Variants in PLAT observed in about 807,000 individuals in gnomAD.
PLAT encodes the protein plasminogen activator, tissue type.
Under a neutral mutation model 74.9 loss-of-function variants are expected in PLAT, and 48 were observed. That is an observed-to-expected ratio of 0.64 (90% CI 0.51 to 0.82). PLAT has a LOEUF of 0.82. Ranked by LOEUF, PLAT falls within the 40% of genes least tolerant of loss-of-function variation. The pLI, the probability that PLAT is intolerant of heterozygous loss-of-function variation, is 0.00. For missense variants in PLAT, 673 were observed against 736.2 expected, an observed-to-expected ratio of 0.91 and a Z score of 0.99; for synonymous variants, 307 against 294.4, an observed-to-expected ratio of 1.04 and a Z score of -0.44.
chr8:42,199,824 A>G (rs1806058777), intron 1 of PLAT, among the ~76,000 whole-genome samples: 1 of 152,242 alleles, frequency 6.6e-6, no homozygotes, highest in African/African-American at 2.4e-5. Context: ...GTCTGCATCT[A>G]AACAAGCCCT....
rs575156438 is a variant in PLAT, at chr8:42,197,300, G to A, written c.-26-4089C>T. Among the ~76,000 whole-genome samples, 94 of 152,342 alleles carry A rather than the reference G, an allele frequency of 6.2e-4. No homozygotes were observed. In the Middle Eastern group the frequency reaches 0.01, roughly 17 times the overall value. On this transcript the variant is annotated intron_variant, in intron 1 of 13. Coordinates refer to ENST00000220809, the MANE Select transcript of PLAT (RefSeq NM_000930.5). The stretch of plus-strand genomic sequence containing the variant: ...ACCTGCATGTGCATCCTGCAGAGCA[G>A]CTCTGACCTTCCTGCCTGGAAGCCG...
rs553965357 is a variant in PLAT at position 42,201,544 on chromosome 8, C to T, written c.-27+5950G>A. 7.9e-5 allele frequency among the ~76,000 whole-genome samples: 12 copies of T among 152,260 alleles called. 1 individual carries two copies. In the South Asian group the frequency reaches 2.5e-3, roughly 32 times the overall value. On this transcript the variant is annotated intron_variant, in intron 1 of 13. Transcript: ENST00000220809. ...AATCCTGCTTCCTAGATCATCCGAC[C>T]ACCTGTGTTAGCCTATAACCAATTC...
At chr8:42,181,796 T>A in intron 9 of PLAT, 141 bp downstream of exon 9, 10 of 322,038 alleles carry the variant, frequency 3.1e-5, no homozygotes, top group East Asian at 2.0e-4. Flanking sequence ...GCTTCAGTCA[T>A]GGAAGCCCCC....
In PLAT at chr8:42,185,115, G is replaced by T; in HGVS notation, c.597C>A (p.Ser199Arg). ...WCYVFKAGKY[S>R]SEFCSTPACS... is the part of the protein sequence containing the mutation. ...AGGCAGGGGTGCTGCAGAACTCTGA[G>T]CTGTACTTCCCCGCCTTAAAGACGT... is the stretch of plus-strand genomic sequence containing the variant. The change falls in exon 7 of 14, where the codon AGC becomes AGA. Residue 199 changes from serine to arginine, a missense_variant. Ser to Arg is a moderately radical substitution (Grantham distance 110). Transcript: ENST00000220809. The T allele has an allele frequency of 6.2e-7, 1 of 1,612,202 alleles. No individual in the cohort carries two copies. The highest frequency in any genetic ancestry group is 8.5e-7 in the Non-Finnish European group (1 of 1,179,206).
At chr8:42,187,770 AC>A (rs1424231905) in intron 5 of PLAT, 135 bp downstream of exon 5, 3 of 758,226 alleles carry the variant, frequency 4.0e-6, no homozygotes, top group African/African-American at 3.5e-5. Flanking sequence ...GTGCTTCCTG[AC>A]CCATGGCAGA....
At chr8:42,203,986 T>TACACACACACACACAC (rs1395910660) in intron 1 of PLAT, among the ~76,000 whole-genome samples, 2 of 120,072 alleles carry the variant, frequency 1.7e-5, no homozygotes, top group African/African-American at 1.1e-4. Context: ...TATATATATA[T>TACACACACACACACAC]ATATATACAC....
intron 1 of PLAT, among the ~76,000 whole-genome samples, chr8:42,198,553 T>C (rs2299608): frequency 1.8e-4 from 28 of 152,260 alleles, no homozygotes; most frequent in Non-Finnish European, 2.5e-4. Context: ...ATCAATGAAA[T>C]TGCAAACAGT....
At chr8:42,181,510 G>A (rs888008924) in intron 9 of PLAT, among the ~76,000 whole-genome samples, 6 of 152,116 alleles carry the variant, frequency 3.9e-5, no homozygotes, top group African/African-American at 1.4e-4. Flanking sequence ...CCTGGCGTCT[G>A]GGAGACTGCT....
rs1470413670 is a variant in PLAT, at chr8:42,179,038, C to A, written c.1389G>T (p.Leu463=). Residue 463 remains leucine, a synonymous_variant, in exon 13 of 14, where the codon CTG becomes CTT. Coordinates refer to ENST00000220809, the MANE Select transcript of PLAT (RefSeq NM_000930.5). ...GGTACAGTCTGACATGAGCCTCCTT[C>A]AGCCGCTCCGAATAGAAAGGAGACA... The part of the protein sequence containing the change: ...EALSPFYSER[L]KEAHVRLYPS... 6.2e-7 allele frequency: 1 copy of A among 1,613,220 alleles called. No homozygotes were observed. Among genetic ancestry groups the A allele is most frequent in the East Asian group, 2.2e-5 (1 of 44,884 alleles).
intron 1 of PLAT, among the ~76,000 whole-genome samples, chr8:42,206,456 T>C (rs886261527): frequency 6.6e-6 from 1 of 152,160 alleles, no homozygotes; most frequent in Non-Finnish European, 1.5e-5. Flanking sequence ...GGAAGTCACC[T>C]TTGAGGGGAC....
At position 42,203,969 on chromosome 8, in the gene PLAT, TTATATA is replaced by T. The variant is rs373313453; in HGVS notation, c.-27+3519_-27+3524del. 2.9e-3 allele frequency among the ~76,000 whole-genome samples: 305 copies of T among 105,098 alleles called. 8 individuals carry two copies. Among genetic ancestry groups the T allele is most frequent in the Middle Eastern group, 4.2e-3 (1 of 238 alleles). The allele number at this position is 105,098 out of a possible 152,430, so 68.9% of individuals were successfully genotyped here. On this transcript the variant is annotated intron_variant, in intron 1 of 13. Coordinates refer to ENST00000220809, the MANE Select transcript of PLAT (RefSeq NM_000930.5). ...GATGGAGTCAGACCTTGTCTCTAAA[TTATATA>T]TATATATATATATATATACACACAC...
chr8:42,185,824 A>G (rs1805432647), intron 6 of PLAT: 2 of 152,270 alleles, frequency 1.3e-5, no homozygotes, highest in Admixed American at 1.3e-4. Context: ...ACTTTAGAAA[A>G]GGAAATTGTC....
intron 1 of PLAT, among the ~76,000 whole-genome samples, chr8:42,198,925 G>T (rs1300564634): frequency 6.6e-6 from 1 of 151,454 alleles, no homozygotes; most frequent in Non-Finnish European, 1.5e-5. Context: ...ATTAAGAAAA[G>T]AAACGGCCAG....
intron 8 of PLAT, 34 bp from the exon 9 acceptor site, chr8:42,182,056 ATCT>A (rs756747018): frequency 1.5e-5 from 21 of 1,366,778 alleles, no homozygotes; most frequent in South Asian, 8.2e-5. Context: ...TTTCCTTTTT[ATCT>A]TCTTATTTTT....
chr8:42,175,786 T>C lies in PLAT; in HGVS notation c.*207A>G. 1 of 528,502 alleles carries C rather than the reference T, an allele frequency of 1.9e-6. No homozygotes were observed. The highest frequency in any genetic ancestry group is 3.0e-5 in the East Asian group (1 of 33,012). The allele number at this position is 528,502 out of a possible 1,614,324, so 32.7% of individuals were successfully genotyped here. On this transcript the variant is annotated 3_prime_UTR_variant, in exon 14 of 14. Coordinates refer to ENST00000220809, the MANE Select transcript of PLAT (RefSeq NM_000930.5). Reference sequence around the variant, plus strand: ...ATTCATGTCTTCCCATCTGACAGAGTATCCTGAAATCAGACCAAGTCCTGA... The same window carrying C: ...ATTCATGTCTTCCCATCTGACAGAGCATCCTGAAATCAGACCAAGTCCTGA...
intron 9 of PLAT, among the ~76,000 whole-genome samples, chr8:42,181,733 C>A (rs1805246816): frequency 1.3e-5 from 2 of 151,706 alleles, no homozygotes; most frequent in South Asian, 4.1e-4. Context: ...TTTCTTCTTG[C>A]CCCTCCCCAC....
intron 6 of PLAT, chr8:42,187,047 T>A: frequency 5.3e-6 from 1 of 189,848 alleles, no homozygotes; most frequent in Non-Finnish European, 1.1e-5. Context: ...CCATCTATCA[T>A]CTATCTACCA....
chr8:42,188,928 A>C lies in PLAT; in HGVS notation c.253+6T>G. ...GCATGCACCACCTCCCAGCCTCAGT[A>C]CATACTTTTGACAGGCACTGAGTGG... is the stretch of plus-strand genomic sequence containing the variant. On this transcript the variant is annotated splice_donor_region_variant and intron_variant, in intron 4 of 13. Coordinates refer to ENST00000220809, the MANE Select transcript of PLAT (RefSeq NM_000930.5). The C allele has an allele frequency of 6.2e-7, 1 of 1,611,850 alleles. No homozygotes were observed. Among genetic ancestry groups the C allele is most frequent in the Non-Finnish European group, 8.5e-7 (1 of 1,178,466 alleles).
chr8:42,206,620 C>G (rs1806348923), intron 1 of PLAT: 1 of 152,218 alleles, frequency 6.6e-6, no homozygotes, highest in Non-Finnish European at 1.5e-5. Context: ...TACCACACTT[C>G]TTTGAGCTTG....
Sources: allele counts gnomAD v4.1 joint callset (sites outside exome capture counted in the v4.1 genomes callset), GRCh38; gene constraint gnomAD v4.1.1; transcripts MANE v1.5; gene names NCBI Gene and HGNC (gene_info 2026-07-23, HGNC 2026-07-21).